RBFOX1: variants seen among roughly 807,000 people sequenced by gnomAD.
The protein encoded by RBFOX1 is RNA binding fox-1 homolog 1.
Under a neutral mutation model 57.7 loss-of-function variants are expected in RBFOX1, and 8 were observed. The ratio of observed to expected loss-of-function variants is 0.14; its 90% CI spans 0.08 to 0.25. RBFOX1 has a LOEUF of 0.25. Among genes scored for constraint, RBFOX1 ranks in the 10% least tolerant of loss-of-function variants. The pLI, the probability that RBFOX1 is intolerant of heterozygous loss-of-function variation, is 1.00. For missense variants in RBFOX1, 611 were observed against 548.5 expected (o/e 1.11, Z -1.14); for synonymous variants, 326 against 222.4 (o/e 1.47, Z -4.15).
chr16:5,400,341 C>T (rs2066679759), intron 1 of RBFOX1, among the ~76,000 whole-genome samples: 1 of 152,130 alleles, frequency 6.6e-6, no homozygotes. Context: ...GATCGGCCCA[C>T]CTTGGCCTCC....
At chr16:6,616,572 A>G (rs1163662971) in intron 2 of RBFOX1, among the ~76,000 whole-genome samples, 1 of 152,140 alleles carries the variant, frequency 6.6e-6, no homozygotes, top group Non-Finnish European at 1.5e-5. Context: ...GGTACTCAGG[A>G]GGCTGAGGCA....
chr16:7,402,216 T>C (rs2098256260), intron 4 of RBFOX1, among the ~76,000 whole-genome samples: 1 of 152,090 alleles, frequency 6.6e-6, no homozygotes, highest in African/African-American at 2.4e-5. Context: ...ACTCACTGAG[T>C]CTTGTCTGAA....
chr16:5,250,022 AAGGAGGAGGTTGCAGTG>A (rs2062409041), intron 1 of RBFOX1, among the ~76,000 whole-genome samples: 1 of 146,138 alleles, frequency 6.8e-6, no homozygotes, highest in Non-Finnish European at 1.5e-5. Context: ...AGGTTGCAGT[AAGGAGGAGGTTGCAGTG>A]AGGAGGAGGT....
chr16:6,969,115 T>G (rs949311064), intron 3 of RBFOX1, among the ~76,000 whole-genome samples: 1 of 152,132 alleles, frequency 6.6e-6, no homozygotes, highest in Non-Finnish European at 1.5e-5. Context: ...TGGTTAAGAG[T>G]ACTGCGTGTG....
intron 1 of RBFOX1, among the ~76,000 whole-genome samples, chr16:6,118,222 C>T (rs1376804378): frequency 6.6e-6 from 1 of 152,154 alleles, no homozygotes; most frequent in Non-Finnish European, 1.5e-5. Context: ...AGTTCTTTTA[C>T]TCTTTTTCTC....
At chr16:6,950,298 A>G (rs1461655663) in intron 3 of RBFOX1, among the ~76,000 whole-genome samples, 2 of 151,860 alleles carry the variant, frequency 1.3e-5, no homozygotes, top group African/African-American at 4.8e-5. Flanking sequence ...TCCCCTCTGC[A>G]TCTCACAGCC....
At chr16:6,813,156 A>G (rs570448444) in intron 3 of RBFOX1, among the ~76,000 whole-genome samples, 5 of 152,218 alleles carry the variant, frequency 3.3e-5, no homozygotes, top group African/African-American at 1.2e-4. Context: ...GTATGGTTAA[A>G]TATCAGGCCA....
At chr16:6,990,395 C>T (rs754409748) in intron 3 of RBFOX1, among the ~76,000 whole-genome samples, 47 of 152,026 alleles carry the variant, frequency 3.1e-4, no homozygotes, top group Non-Finnish European at 8.8e-5. Context: ...AGTGGTGGCG[C>T]ATGCCTGTAA....
chr16:6,175,528 G>C (rs1598073294), intron 1 of RBFOX1, among the ~76,000 whole-genome samples: 1 of 152,156 alleles, frequency 6.6e-6, no homozygotes, highest in African/African-American at 2.4e-5. Context: ...GAGAGGATGG[G>C]CTTAGAGGTG....
Position 7,096,210 on chromosome 16 carries a change from C to T in RBFOX1, c.27+44112C>T, listed in dbSNP as rs959636284. Among the ~76,000 whole-genome samples the T allele has an allele frequency of 4.0e-5, 6 of 151,860 alleles. No homozygotes were observed. In the East Asian group the frequency reaches 7.7e-4, roughly 20 times the overall value. ...CTGGTAACCATCGAGCAAAAGTAGT[C>T]GATAAAAGTGTTATTGCTAAAACTC... On this transcript the variant is annotated intron_variant, in intron 4 of 15. Coordinates refer to ENST00000550418, the MANE Select transcript of RBFOX1 (RefSeq NM_018723.4).
intron 4 of RBFOX1, among the ~76,000 whole-genome samples, chr16:7,310,399 A>G (rs2096281394): frequency 6.6e-6 from 1 of 152,166 alleles, no homozygotes; most frequent in Non-Finnish European, 1.5e-5. Flanking sequence ...TAAAAAAGTG[A>G]CAGAATTTGG....
intron 2 of RBFOX1, among the ~76,000 whole-genome samples, chr16:6,405,393 C>G (rs1191757367): frequency 6.6e-6 from 1 of 152,170 alleles, no homozygotes; most frequent in Non-Finnish European, 1.5e-5. Context: ...CAGTGTTGGG[C>G]ATTGGGAAGT....
At chr16:7,218,657 TGTG>T (rs2092460968) in intron 4 of RBFOX1, among the ~76,000 whole-genome samples, 1 of 149,590 alleles carries the variant, frequency 6.7e-6, no homozygotes, top group Admixed American at 6.7e-5. Flanking sequence ...TGTGTGTGTG[TGTG>T]TGTGTGTGTG....
At chr16:7,456,637 G>T (rs775075265) in intron 4 of RBFOX1, among the ~76,000 whole-genome samples, 1 of 152,258 alleles carries the variant, frequency 6.6e-6, no homozygotes, top group East Asian at 1.9e-4. Flanking sequence ...ACACCTTCAC[G>T]TGCATTTTGC....
At chr16:6,831,161 T>C (rs1244448049) in intron 3 of RBFOX1, among the ~76,000 whole-genome samples, 1 of 152,210 alleles carries the variant, frequency 6.6e-6, no homozygotes, top group Non-Finnish European at 1.5e-5. Flanking sequence ...CATTATAATT[T>C]CATTAGCATA....
chr16:6,297,073 G>A (rs913540701), intron 1 of RBFOX1, among the ~76,000 whole-genome samples: 1 of 152,200 alleles, frequency 6.6e-6, no homozygotes, highest in African/African-American at 2.4e-5. Context: ...ACTTCCTAAT[G>A]TTGCCATGGC....
chr16:6,799,063 G>A (rs148874335), intron 3 of RBFOX1, among the ~76,000 whole-genome samples: 1 of 152,224 alleles, frequency 6.6e-6, no homozygotes, highest in African/African-American at 2.4e-5. Flanking sequence ...ATATTTGGTA[G>A]CTTATAATCT....
In RBFOX1 at chr16:7,674,997, G is replaced by A. The variant is rs956346463; in HGVS notation, c.931-1777G>A. The stretch of plus-strand genomic sequence containing the variant: ...CTGATTGCTGCAAATACTTTTTCTT[G>A]TTCCAGAGAGAAACACATTCATACC... On this transcript the variant is annotated intron_variant, in intron 13 of 15. Coordinates refer to ENST00000550418, the MANE Select transcript of RBFOX1 (RefSeq NM_018723.4). 5.3e-5 allele frequency among the ~76,000 whole-genome samples: 8 copies of A among 152,252 alleles called. No homozygotes were observed. The East Asian group carries it at 9.6e-4, about 18-fold the overall frequency.
chr16:6,225,673 C>G (rs1054719884), intron 1 of RBFOX1, among the ~76,000 whole-genome samples: 2 of 152,154 alleles, frequency 1.3e-5, no homozygotes, highest in Non-Finnish European at 2.9e-5. Context: ...ATAATTTAGG[C>G]ATAAAATGTA....
Sources: gnomAD v4.1 joint callset for allele counts (sites outside exome capture counted in the v4.1 genomes callset) on GRCh38, gnomAD v4.1.1 for gene constraint, MANE v1.5 for transcripts, NCBI Gene and HGNC (gene_info 2026-07-23, HGNC 2026-07-21) for gene names.